Variants in CFAP299 observed in about 807,000 individuals in gnomAD.
The protein encoded by CFAP299 is cilia- and flagella-associated protein 299.
A neutral mutation model predicts 27.0 loss-of-function variants in CFAP299; 21 were observed. That is an observed-to-expected ratio of 0.78 (90% CI 0.55 to 1.12). The LOEUF is 1.12. CFAP299 is among the 50% of genes most tolerant of loss of function. The pLI is 0.00. For missense variants in CFAP299, 310 were observed against 276.6 expected, an observed-to-expected ratio of 1.12 and a Z score of -0.86; for synonymous variants, 104 against 98.1, an observed-to-expected ratio of 1.06 and a Z score of -0.36.
At chr4:80,845,835 G>T (rs114651994) in intron 3 of CFAP299, among the ~76,000 whole-genome samples, 171 of 151,926 alleles carry the variant, frequency 1.1e-3, no homozygotes, top group Admixed American at 2.8e-3. Context: ...TGCAAATAAA[G>T]CTCCTGTCAA....
intron 4 of CFAP299, among the ~76,000 whole-genome samples, chr4:80,935,214 T>G (rs1736828643): frequency 6.6e-6 from 1 of 152,096 alleles, no homozygotes; most frequent in Non-Finnish European, 1.5e-5. Flanking sequence ...TAGTCTCATA[T>G]CATTGTGTCA....
Position 80,542,817 on chromosome 4 carries a change from G to A in CFAP299, c.243-40276G>A, listed in dbSNP as rs571410299. The stretch of plus-strand genomic sequence containing the variant: ...GATAGCCTCCTGCCAGAATGTTTGC[G>A]TGTGACCCTGCTGCTGCCCCTTTGG... On this transcript the variant is annotated intron_variant, in intron 2 of 5. Transcript: ENST00000358105. Among the ~76,000 whole-genome samples, 9 of 151,898 alleles carry A rather than the reference G, an allele frequency of 5.9e-5. No homozygotes were observed. In the South Asian group the frequency reaches 1.7e-3, roughly 28 times the overall value.
chr4:80,724,814 CT>C lies in CFAP299; in HGVS notation c.333+141639del, dbSNP rs540962041. 3.3e-3 allele frequency among the ~76,000 whole-genome samples: 508 copies of C among 151,644 alleles called. 2 individuals carry two copies. The highest frequency in any genetic ancestry group is 0.011 in the African/African-American group (464 of 41,376). The stretch of plus-strand genomic sequence containing the variant: ...TTGTTCTCTGGATGTTGCTTTCTTC[CT>C]TTTTTTTCTTTCTTTTTCTTTATTT... On this transcript the variant is annotated intron_variant, in intron 3 of 5. Transcript: ENST00000358105.
At chr4:80,600,732 G>A (rs1197683787) in intron 3 of CFAP299, among the ~76,000 whole-genome samples, 1 of 152,048 alleles carries the variant, frequency 6.6e-6, no homozygotes, top group Non-Finnish European at 1.5e-5. Flanking sequence ...AACTCCTGAG[G>A]AATGGTTCTG....
chr4:80,800,216 T>C (rs1226163821), intron 3 of CFAP299, among the ~76,000 whole-genome samples: 19 of 74,350 alleles, frequency 2.6e-4, no homozygotes, highest in Non-Finnish European at 4.1e-4. Context: ...ATATAATATA[T>C]ATTATAATAT....
chr4:80,899,922 T>C (rs949043620), intron 4 of CFAP299, among the ~76,000 whole-genome samples: 2 of 152,036 alleles, frequency 1.3e-5, no homozygotes, highest in Non-Finnish European at 1.5e-5. Context: ...GAGATGAACA[T>C]TAAGAAATGC....
chr4:80,387,938 T>C, intron 2 of CFAP299: 1 of 814,426 alleles, frequency 1.2e-6, no homozygotes. Context: ...GGTTTGGTCC[T>C]TTGGGTGTTT....
intron 3 of CFAP299, among the ~76,000 whole-genome samples, chr4:80,775,444 A>G (rs1472173021): frequency 2.0e-5 from 3 of 152,048 alleles, no homozygotes; most frequent in African/African-American, 4.8e-5. Context: ...TTACTAATTT[A>G]TGACTAGGTC....
Position 80,835,598 on chromosome 4 carries a change from T to C in CFAP299, c.334-34395T>C, listed in dbSNP as rs145539391. On this transcript the variant is annotated intron_variant, in intron 3 of 5. Transcript: ENST00000358105. ...AACCTATGAGTGTCCTCTTATGTTG[T>C]AAAGTTTTTGTACATATAATTATAC... 3.6e-3 allele frequency among the ~76,000 whole-genome samples: 549 copies of C among 152,262 alleles called. 3 individuals carry two copies. Among genetic ancestry groups the C allele is most frequent in the African/African-American group, 0.013 (534 of 41,550 alleles).
At chr4:80,599,875 T>G (rs1207152014) in intron 3 of CFAP299, among the ~76,000 whole-genome samples, 1 of 152,142 alleles carries the variant, frequency 6.6e-6, no homozygotes, top group African/African-American at 2.4e-5. Flanking sequence ...TTAGCAATGA[T>G]GCAAAGAAGG....
chr4:80,620,883 T>C (rs1738563242), intron 3 of CFAP299, among the ~76,000 whole-genome samples: 2 of 152,204 alleles, frequency 1.3e-5, no homozygotes, highest in African/African-American at 4.8e-5. Context: ...CCTTTTGAAG[T>C]TGGTTTATGA....
Position 80,862,250 on chromosome 4 carries a change from G to T in CFAP299, c.334-7743G>T, listed in dbSNP as rs372023671. Among the ~76,000 whole-genome samples the T allele has an allele frequency of 5.9e-5, 9 of 152,066 alleles. No individual in the cohort carries two copies. The South Asian group carries it at 1.9e-3, about 32-fold the overall frequency. ...CTTGGAGCAGTGGCGTGTGCTTGTG[G>T]TCCCAGCTACTCGGTAGGCTGAGGC... On this transcript the variant is annotated intron_variant, in intron 3 of 5. Transcript: ENST00000358105.
intron 5 of CFAP299, among the ~76,000 whole-genome samples, chr4:80,955,030 A>AC (rs1560491942): frequency 2.0e-5 from 2 of 101,004 alleles, no homozygotes; most frequent in South Asian, 3.3e-4. Context: ...AAAAAAAAAA[A>AC]AAAACGCACA....
chr4:80,351,933 CATT>C (rs1432387667), intron 1 of CFAP299, among the ~76,000 whole-genome samples: 31 of 149,848 alleles, frequency 2.1e-4, no homozygotes, highest in African/African-American at 6.1e-4. Flanking sequence ...TTTATATTAA[CATT>C]AATAGATAAT....
intron 3 of CFAP299, among the ~76,000 whole-genome samples, chr4:80,862,482 C>T (rs1448063569): frequency 6.6e-6 from 1 of 152,126 alleles, no homozygotes; most frequent in African/African-American, 2.4e-5. Flanking sequence ...CAATCCCCAA[C>T]CATTGCAAAA....
intron 3 of CFAP299, among the ~76,000 whole-genome samples, chr4:80,829,467 T>C (rs1242548829): frequency 1.3e-5 from 2 of 152,062 alleles, no homozygotes; most frequent in Admixed American, 1.3e-4. Context: ...CTCTTGTGCA[T>C]TGTTAGTGCA....
At chr4:80,450,607 A>G (rs1192074743) in intron 2 of CFAP299, among the ~76,000 whole-genome samples, 1 of 152,114 alleles carries the variant, frequency 6.6e-6, no homozygotes, top group East Asian at 1.9e-4. Flanking sequence ...GTTGCAGGAA[A>G]GCATACAAGA....
chr4:80,871,649 A>G (rs1422348839), intron 4 of CFAP299: 1 of 978,914 alleles, frequency 1.0e-6, no homozygotes, highest in Non-Finnish European at 1.2e-6. Context: ...TATAACTAAT[A>G]ATTTATTAAA....
chr4:80,545,662 A>G (rs979481145), intron 2 of CFAP299, among the ~76,000 whole-genome samples: 2 of 152,108 alleles, frequency 1.3e-5, no homozygotes, highest in Non-Finnish European at 2.9e-5. Flanking sequence ...ATTCTACCAG[A>G]TTTACAAACA....
Sources: gnomAD v4.1 joint callset for allele counts (sites outside exome capture counted in the v4.1 genomes callset) on GRCh38, gnomAD v4.1.1 for gene constraint, MANE v1.5 for transcripts, NCBI Gene and HGNC (gene_info 2026-07-23, HGNC 2026-07-21) for gene names.